The following VAV3 variants were observed in gnomAD, a reference collection of about 807,000 sequenced individuals.
VAV3 encodes the protein vav guanine nucleotide exchange factor 3.
In VAV3, 94 loss-of-function variants were observed where a neutral mutation model predicts 131.2. That is an observed-to-expected ratio of 0.72 (90% confidence interval 0.61 to 0.85). VAV3 has a LOEUF of 0.85. Among genes scored for constraint, VAV3 ranks in the 40% least tolerant of loss-of-function variants. The probability of loss-of-function intolerance (pLI) is 0.00; values close to 1 mark genes in which losing one functional copy is unlikely to be tolerated. For missense variants in VAV3, 939 were observed against 1,002.7 expected, an observed-to-expected ratio of 0.94 and a Z score of 0.86; for synonymous variants, 349 against 342.0, an observed-to-expected ratio of 1.02 and a Z score of -0.22.
At chr1:107,760,525 T>G (rs1015087452) in intron 10 of VAV3, among the ~76,000 whole-genome samples, 1 of 152,204 alleles carries the variant, frequency 6.6e-6, no homozygotes. Context: ...TTATTTGTTT[T>G]GACTTGTTTT....
intron 1 of VAV3, among the ~76,000 whole-genome samples, chr1:107,930,200 A>T (rs1043054884): frequency 2.0e-5 from 3 of 152,188 alleles, no homozygotes; most frequent in African/African-American, 7.2e-5. Flanking sequence ...TTGTAACACA[A>T]AGCTTAAATG....
At chr1:107,792,435 G>A (rs1306972272) in intron 2 of VAV3, among the ~76,000 whole-genome samples, 1 of 152,174 alleles carries the variant, frequency 6.6e-6, no homozygotes, top group Non-Finnish European at 1.5e-5. Context: ...AGGCTCCTCA[G>A]TAGCTGGGAC....
chr1:107,815,655 C>T (rs1667531624), intron 2 of VAV3, among the ~76,000 whole-genome samples: 1 of 152,132 alleles, frequency 6.6e-6, no homozygotes. Flanking sequence ...TAGTAAACTG[C>T]TTCTTTAAAG....
At chr1:107,919,124 A>C (rs1167079910) in intron 1 of VAV3, among the ~76,000 whole-genome samples, 3 of 152,250 alleles carry the variant, frequency 2.0e-5, no homozygotes, top group Non-Finnish European at 4.4e-5. Flanking sequence ...AATGACTTGA[A>C]ATATACTCAA....
At chr1:107,597,970 T>C (rs547491911) in intron 24 of VAV3, among the ~76,000 whole-genome samples, 5 of 152,304 alleles carry the variant, frequency 3.3e-5, no homozygotes, top group South Asian at 4.2e-4. Context: ...TGAGTGAACT[T>C]AGGCAAAGTC....
chr1:107,716,326 CT>C (rs1182094454), intron 15 of VAV3, among the ~76,000 whole-genome samples: 1 of 152,126 alleles, frequency 6.6e-6, no homozygotes, highest in Admixed American at 6.6e-5. Flanking sequence ...CCAGTAAAGA[CT>C]TTTAAAAGTG....
At chr1:107,939,389 G>C (rs1673877294) in intron 1 of VAV3, among the ~76,000 whole-genome samples, 1 of 152,136 alleles carries the variant, frequency 6.6e-6, no homozygotes, top group Non-Finnish European at 1.5e-5. Context: ...AGTAGAAACT[G>C]TACTTAGAAT....
rs140944812 is a variant in VAV3, at chr1:107,652,840, AT to A, written c.1778-10086del. 2.1e-3 allele frequency among the ~76,000 whole-genome samples: 317 copies of A among 152,250 alleles called. 2 individuals are homozygous for A. Among genetic ancestry groups the A allele is most frequent in the African/African-American group, 7.1e-3 (294 of 41,566 alleles). On this transcript the variant is annotated intron_variant, in intron 19 of 26. Coordinates refer to ENST00000370056, the MANE Select transcript of VAV3 (RefSeq NM_006113.5). The stretch of plus-strand genomic sequence containing the variant: ...AGTGTAACTGACATTTTCCAAAAAA[AT>A]AAAATTGTTTTTGACATGTAAAACT...
intron 19 of VAV3, among the ~76,000 whole-genome samples, chr1:107,681,310 T>A (rs1299544827): frequency 6.6e-6 from 1 of 152,186 alleles, no homozygotes. Context: ...GGAAGCAGTT[T>A]GTCTACGCAG....
At chr1:107,726,964 A>G (rs151198003) in intron 15 of VAV3, among the ~76,000 whole-genome samples, 158 of 152,366 alleles carry the variant, frequency 1.0e-3, no homozygotes, top group African/African-American at 3.7e-3. Context: ...ACAATGAGTA[A>G]TAATCATCTA....
Position 107,779,502 on chromosome 1 carries a change from G to C in VAV3, c.322-10C>G, listed in dbSNP as rs1352479665. ...ATAATGTTTCTATAACCTGAGAAAA[G>C]AGGAAAATACTAATTAGATATGTAG... On this transcript the variant is annotated splice_polypyrimidine_tract_variant and intron_variant, in intron 2 of 26. Coordinates refer to ENST00000370056, the MANE Select transcript of VAV3 (RefSeq NM_006113.5). 3 of 1,571,018 alleles carry C rather than the reference G, an allele frequency of 1.9e-6. No individual in the cohort carries two copies. The highest frequency in any genetic ancestry group is 2.6e-6 in the Non-Finnish European group (3 of 1,158,848).
At chr1:107,618,194 T>G (rs1186064381) in intron 20 of VAV3, among the ~76,000 whole-genome samples, 2 of 152,168 alleles carry the variant, frequency 1.3e-5, no homozygotes, top group Non-Finnish European at 2.9e-5. Flanking sequence ...GCCCAGTTCC[T>G]AACAGGCCAC....
At chr1:107,921,730 A>G (rs961003250) in intron 1 of VAV3, among the ~76,000 whole-genome samples, 12 of 152,252 alleles carry the variant, frequency 7.9e-5, no homozygotes, top group Admixed American at 5.9e-4. Flanking sequence ...TATTATTTAA[A>G]AATCCTCCCA....
chr1:107,829,836 TATCATTTAATC>T (rs6143362), intron 2 of VAV3, among the ~76,000 whole-genome samples: 14,109 of 152,230 alleles, frequency 0.093, 822 homozygotes, highest in East Asian at 0.25. Flanking sequence ...ATTTGCTCCA[TATCATTTAATC>T]AGAACAAACA....
intron 15 of VAV3, among the ~76,000 whole-genome samples, chr1:107,713,751 C>CT (rs941448937): frequency 6.6e-6 from 1 of 152,144 alleles, no homozygotes; most frequent in African/African-American, 2.4e-5. Flanking sequence ...CCTTCCCTTT[C>CT]TGTCCTTTCT....
intron 20 of VAV3, among the ~76,000 whole-genome samples, chr1:107,618,089 C>A (rs1380084965): frequency 6.6e-6 from 1 of 151,996 alleles, no homozygotes; most frequent in African/African-American, 2.4e-5. Context: ...GTCAAGTCTG[C>A]GCTCCTATGA....
At chr1:107,834,907 T>G (rs548308753) in intron 2 of VAV3, among the ~76,000 whole-genome samples, 1 of 152,052 alleles carries the variant, frequency 6.6e-6, no homozygotes, top group African/African-American at 2.4e-5. Context: ...CTACAGGAGA[T>G]CCCATGACCC....
chr1:107,888,563 A>G (rs1263392149), intron 1 of VAV3, among the ~76,000 whole-genome samples: 1 of 152,150 alleles, frequency 6.6e-6, no homozygotes, highest in Non-Finnish European at 1.5e-5. Context: ...GGTTCATGCG[A>G]TTCTCCTGCC....
At chr1:107,891,417 T>A (rs1289964377) in intron 1 of VAV3, among the ~76,000 whole-genome samples, 2 of 152,062 alleles carry the variant, frequency 1.3e-5, no homozygotes, top group Non-Finnish European at 2.9e-5. Flanking sequence ...ACAAGGCAAA[T>A]GAAATACACA....
Sources: allele counts gnomAD v4.1 joint callset (sites outside exome capture counted in the v4.1 genomes callset), GRCh38; gene constraint gnomAD v4.1.1; transcripts MANE v1.5; gene names NCBI Gene and HGNC (gene_info 2026-07-23, HGNC 2026-07-21).